SNAP91: variants seen among roughly 807,000 people sequenced by gnomAD.
SNAP91 encodes synaptosome associated protein 91, also known as clathrin coat assembly protein AP180.
Under a neutral mutation model 100.3 loss-of-function variants are expected in SNAP91, and 27 were observed. The observed-to-expected ratio is 0.27, with a 90% CI of 0.20 to 0.37. The LOEUF (loss-of-function observed/expected upper bound fraction) is 0.37, where lower values mean the gene tolerates loss of function less well. Ranked by LOEUF, SNAP91 falls within the 10% of genes least tolerant of loss-of-function variation. SNAP91 has a pLI of 1.00. For missense variants in SNAP91, 986 were observed against 1,123.7 expected (o/e 0.88, Z 1.75); for synonymous variants, 404 against 398.6 (o/e 1.01, Z -0.16).
intron 8 of SNAP91, among the ~76,000 whole-genome samples, chr6:83,635,784 TTA>T (rs780805489): frequency 1.3e-5 from 2 of 152,194 alleles, no homozygotes; most frequent in African/African-American, 2.4e-5. Flanking sequence ...GACTATGTAC[TTA>T]TATGTGTTTC....
intron 9 of SNAP91, among the ~76,000 whole-genome samples, chr6:83,620,774 C>T (rs1256989513): frequency 1.3e-5 from 2 of 151,772 alleles, no homozygotes; most frequent in Non-Finnish European, 1.5e-5. Flanking sequence ...TACAGTGGCG[C>T]GATCTCGGCT....
intron 2 of SNAP91, among the ~76,000 whole-genome samples, chr6:83,681,660 T>C (rs538357356): frequency 1.3e-5 from 2 of 152,120 alleles, no homozygotes; most frequent in South Asian, 2.1e-4. Flanking sequence ...CTATAAAATA[T>C]AGGTAACTAA....
chr6:83,701,772 C>T (rs967906930), intron 2 of SNAP91, among the ~76,000 whole-genome samples: 3 of 152,164 alleles, frequency 2.0e-5, no homozygotes, highest in Non-Finnish European at 4.4e-5. Flanking sequence ...AATGCTAGAT[C>T]CTCCTTAAAA....
chr6:83,673,952 T>C (rs764994915), intron 2 of SNAP91, among the ~76,000 whole-genome samples: 1 of 152,224 alleles, frequency 6.6e-6, no homozygotes, highest in Non-Finnish European at 1.5e-5. Flanking sequence ...TGTTGTTGTG[T>C]ATGCATGTGA....
chr6:83,648,643 A>C (rs2098064897), intron 7 of SNAP91, among the ~76,000 whole-genome samples: 1 of 152,170 alleles, frequency 6.6e-6, no homozygotes, highest in Non-Finnish European at 1.5e-5. Flanking sequence ...CAGTAGTTTT[A>C]ATTTTAGTTG....
chr6:83,558,020 A>T (rs550160310), intron 28 of SNAP91, among the ~76,000 whole-genome samples: 3 of 152,040 alleles, frequency 2.0e-5, no homozygotes, highest in African/African-American at 7.2e-5. Context: ...TATGAATTCA[A>T]TTACTGATTG....
chr6:83,613,617 A>C (rs1345868995), intron 11 of SNAP91, among the ~76,000 whole-genome samples: 1 of 152,204 alleles, frequency 6.6e-6, no homozygotes, highest in Admixed American at 6.5e-5. Context: ...ATCATGCTTT[A>C]ACGGTGGATT....
intron 26 of SNAP91, among the ~76,000 whole-genome samples, chr6:83,564,247 A>T (rs1271016053): frequency 6.6e-6 from 1 of 152,016 alleles, no homozygotes; most frequent in East Asian, 1.9e-4. Flanking sequence ...CCAGCCCAAT[A>T]TGTCAGACGG....
chr6:83,655,395 G>A (rs935370227), intron 7 of SNAP91, among the ~76,000 whole-genome samples: 4 of 152,154 alleles, frequency 2.6e-5, no homozygotes, highest in African/African-American at 7.2e-5. Flanking sequence ...CTGATGCCAC[G>A]TGGGGCTCTG....
chr6:83,662,274 T>C, intron 4 of SNAP91, 73 bp downstream of exon 4: 1 of 519,228 alleles, frequency 1.9e-6, no homozygotes, highest in East Asian at 3.4e-5. Flanking sequence ...TCAGTTGCAA[T>C]GATTTTGGAT....
intron 8 of SNAP91, among the ~76,000 whole-genome samples, chr6:83,635,560 C>T (rs2097403512): frequency 6.6e-6 from 1 of 151,876 alleles, no homozygotes; most frequent in Non-Finnish European, 1.5e-5. Flanking sequence ...CATCCCTTTA[C>T]TTTGAGGCTA....
chr6:83,614,823 CA>C, intron 11 of SNAP91, 33 bp downstream of exon 11: 1 of 1,532,098 alleles, frequency 6.5e-7, no homozygotes, highest in Non-Finnish European at 8.8e-7. Flanking sequence ...TAGTAATTAC[CA>C]AATGCAAAAA....
chr6:83,687,241 G>A (rs1302532488), intron 2 of SNAP91, among the ~76,000 whole-genome samples: 1 of 152,006 alleles, frequency 6.6e-6, no homozygotes, highest in African/African-American at 2.4e-5. Context: ...CTTACTGTAT[G>A]GTTTTAGTTA....
chr6:83,589,835 C>T (rs2093460946), intron 22 of SNAP91, among the ~76,000 whole-genome samples: 1 of 152,162 alleles, frequency 6.6e-6, no homozygotes, highest in Non-Finnish European at 1.5e-5. Flanking sequence ...GGTCTTTTAG[C>T]ATCTGCCATT....
chr6:83,595,383 T>G (rs1345670166), intron 16 of SNAP91, among the ~76,000 whole-genome samples: 1 of 152,216 alleles, frequency 6.6e-6, no homozygotes, highest in Admixed American at 6.5e-5. Context: ...TGTATTATTA[T>G]TTATAGAATA....
chr6:83,678,953 A>AT, intron 2 of SNAP91: 3 of 1,025,074 alleles, frequency 2.9e-6, no homozygotes, highest in Non-Finnish European at 3.6e-6. Context: ...TGAAATGAAA[A>AT]AAAAAAATAC....
intron 26 of SNAP91, among the ~76,000 whole-genome samples, chr6:83,573,611 C>T (rs371731849): frequency 2.0e-5 from 3 of 152,084 alleles, no homozygotes; most frequent in Non-Finnish European, 4.4e-5. Flanking sequence ...GAGATATAGA[C>T]CAATGGAACA....
chr6:83,701,882 T>A (rs1358897818), intron 2 of SNAP91, among the ~76,000 whole-genome samples: 1 of 152,232 alleles, frequency 6.6e-6, no homozygotes, highest in Non-Finnish European at 1.5e-5. Context: ...CTAGAAAGAC[T>A]GTGGGCTTCA....
intron 7 of SNAP91, among the ~76,000 whole-genome samples, chr6:83,649,779 G>C (rs575807182): frequency 6.6e-6 from 1 of 151,796 alleles, no homozygotes; most frequent in South Asian, 2.1e-4. Flanking sequence ...AGTAGAGATG[G>C]GGTTTCACCA....
Sources: allele counts gnomAD v4.1 joint callset (sites outside exome capture counted in the v4.1 genomes callset), GRCh38; gene constraint gnomAD v4.1.1; transcripts MANE v1.5; gene names NCBI Gene and HGNC (gene_info 2026-07-23, HGNC 2026-07-21).